KPNA1: variants seen among roughly 807,000 people sequenced by gnomAD.
The protein encoded by KPNA1 is karyopherin subunit alpha 1.
A neutral mutation model predicts 70.5 loss-of-function variants in KPNA1; 10 were observed. The ratio of observed to expected loss-of-function variants is 0.14; its 90% CI spans 0.09 to 0.24. The LOEUF is 0.24. Ranked by LOEUF, KPNA1 falls within the 10% of genes least tolerant of loss-of-function variation. KPNA1 has a pLI of 1.00. For missense variants in KPNA1, 397 were observed against 637.9 expected (o/e 0.62, Z 4.07); for synonymous variants, 192 against 221.9 (o/e 0.87, Z 1.20).
intron 2 of KPNA1, among the ~76,000 whole-genome samples, chr3:122,472,698 CA>C (rs2076455821): frequency 6.6e-6 from 1 of 152,048 alleles, no homozygotes; most frequent in Non-Finnish European, 1.5e-5. Flanking sequence ...AGTAGACTAA[CA>C]AAAAGACAGA....
At chr3:122,480,282 T>G (rs1485114984) in intron 2 of KPNA1, among the ~76,000 whole-genome samples, 1 of 109,086 alleles carries the variant, frequency 9.2e-6, no homozygotes, top group Admixed American at 8.5e-5. Context: ...CTATAGACTT[T>G]GGGTGACGAT....
intron 1 of KPNA1, among the ~76,000 whole-genome samples, chr3:122,513,703 C>G (rs938004217): frequency 6.6e-6 from 1 of 151,400 alleles, no homozygotes; most frequent in African/African-American, 2.4e-5. Flanking sequence ...GATTTTTAAG[C>G]AACCGTTTAT....
intron 3 of KPNA1, among the ~76,000 whole-genome samples, chr3:122,464,528 C>G (rs1199785169): frequency 6.6e-6 from 1 of 152,166 alleles, no homozygotes; most frequent in Non-Finnish European, 1.5e-5. Context: ...CTGTCTTACT[C>G]TATCACTAAG....
chr3:122,463,807 C>T lies in KPNA1; in HGVS notation c.337+135G>A, dbSNP rs939753968. On this transcript the variant is annotated intron_variant, in intron 4 of 13. Transcript: ENST00000344337. Reference sequence around the variant, plus strand: ...AAAATTTAGGCATGGTTCACAATTACATATATGTCTGTATTTTTATTCTTT... The same window carrying T: ...AAAATTTAGGCATGGTTCACAATTATATATATGTCTGTATTTTTATTCTTT... 3.2e-4 allele frequency: 161 copies of T among 497,920 alleles called. 1 individual carries two copies. The highest frequency in any genetic ancestry group is 1.4e-4 in the Admixed American group (4 of 28,162). 30.8% of individuals were successfully genotyped at this position (497,920 alleles called of 1,614,324 possible). A position where few individuals can be genotyped will look rare whatever the true frequency, so the allele number is the denominator to read the frequency against.
At chr3:122,433,254 T>C (rs779427603) in intron 12 of KPNA1, 5 of 158,194 alleles carry the variant, frequency 3.2e-5, no homozygotes, top group African/African-American at 1.2e-4. Flanking sequence ...TATTAAGACA[T>C]CTAAACTAAA....
intron 8 of KPNA1, among the ~76,000 whole-genome samples, chr3:122,450,807 G>C (rs1022924746): frequency 6.6e-6 from 1 of 152,098 alleles, no homozygotes. Context: ...TGTATACGCA[G>C]GTTTATAGCA....
intron 10 of KPNA1, among the ~76,000 whole-genome samples, chr3:122,440,378 G>A (rs143118726): frequency 2.0e-4 from 30 of 152,314 alleles, no homozygotes; most frequent in Middle Eastern, 3.4e-3. Flanking sequence ...AGAGCAAGGG[G>A]TAGCAGTGGA....
intron 4 of KPNA1, among the ~76,000 whole-genome samples, chr3:122,462,457 C>G (rs2076334778): frequency 1.3e-5 from 2 of 151,988 alleles, no homozygotes; most frequent in South Asian, 4.1e-4. Context: ...AAGAAGGTAA[C>G]CTCTCACCAT....
chr3:122,456,149 C>T (rs2076262835), intron 5 of KPNA1, among the ~76,000 whole-genome samples: 1 of 152,076 alleles, frequency 6.6e-6, no homozygotes, highest in Non-Finnish European at 1.5e-5. Context: ...TTTTAAATAA[C>T]AGTATGCCAG....
intron 1 of KPNA1, among the ~76,000 whole-genome samples, chr3:122,504,535 T>C (rs1191010315): frequency 6.6e-6 from 1 of 152,214 alleles, no homozygotes; most frequent in South Asian, 2.1e-4. Context: ...GCAATGTTGA[T>C]GGTGGGAGAG....
chr3:122,472,017 T>C lies in KPNA1; in HGVS notation c.130-4588A>G, dbSNP rs549887489. Among the ~76,000 whole-genome samples the C allele has an allele frequency of 1.2e-4, 18 of 152,288 alleles. No homozygotes were observed. In the South Asian group the frequency reaches 3.3e-3, roughly 28 times the overall value. On this transcript the variant is annotated intron_variant, in intron 2 of 13. Coordinates refer to ENST00000344337, the MANE Select transcript of KPNA1 (RefSeq NM_002264.4). ...TTATAGTTGGACACTTCAACACCTC[T>C]CTATCAGAAACGGCCAGATCAAGCA...
At chr3:122,434,719 C>G (rs2075962113) in intron 11 of KPNA1, among the ~76,000 whole-genome samples, 1 of 152,136 alleles carries the variant, frequency 6.6e-6, no homozygotes, top group African/African-American at 2.4e-5. Context: ...TTACTCAATC[C>G]CCTTCATGTA....
At chr3:122,510,583 T>C (rs2076944090) in intron 1 of KPNA1, among the ~76,000 whole-genome samples, 1 of 152,224 alleles carries the variant, frequency 6.6e-6, no homozygotes, top group Non-Finnish European at 1.5e-5. Flanking sequence ...GTGATAACTA[T>C]ATTTGGAGGA....
At chr3:122,437,121 T>G in intron 11 of KPNA1, 49 bp downstream of exon 11, 1 of 1,584,052 alleles carries the variant, frequency 6.3e-7, no homozygotes, top group Non-Finnish European at 8.6e-7. Flanking sequence ...AAAAAAACCT[T>G]ACTTTTCAAT....
At chr3:122,479,758 TCAACAA>T (rs201926187) in intron 2 of KPNA1, among the ~76,000 whole-genome samples, 1 of 152,038 alleles carries the variant, frequency 6.6e-6, no homozygotes, top group African/African-American at 2.4e-5. Flanking sequence ...AGACTCTGTC[TCAACAA>T]CAACAACAAA....
intron 5 of KPNA1, among the ~76,000 whole-genome samples, chr3:122,455,613 T>C (rs572232309): frequency 1.3e-5 from 2 of 152,284 alleles, no homozygotes; most frequent in East Asian, 1.9e-4. Context: ...TGGAGTGCAA[T>C]GTCACGTTCT....
intron 1 of KPNA1, among the ~76,000 whole-genome samples, chr3:122,509,649 A>G (rs550660689): frequency 2.1e-4 from 32 of 152,336 alleles, no homozygotes; most frequent in Admixed American, 2.6e-4. Flanking sequence ...GCTCCACTAC[A>G]TATTTTACAA....
intron 1 of KPNA1, among the ~76,000 whole-genome samples, chr3:122,511,087 A>G (rs1305970096): frequency 6.6e-6 from 1 of 152,140 alleles, no homozygotes; most frequent in Admixed American, 6.5e-5. Context: ...ACACGTAATC[A>G]CCTCCTCAAA....
chr3:122,479,708 C>T (rs575229127), intron 2 of KPNA1, among the ~76,000 whole-genome samples: 19 of 152,140 alleles, frequency 1.2e-4, no homozygotes, highest in African/African-American at 3.6e-4. Flanking sequence ...TGCAGTGAAC[C>T]GAAATCATGC....
Sources: allele counts gnomAD v4.1 joint callset (sites outside exome capture counted in the v4.1 genomes callset), GRCh38; gene constraint gnomAD v4.1.1; transcripts MANE v1.5; gene names NCBI Gene and HGNC (gene_info 2026-07-23, HGNC 2026-07-21).